Variants in DGKI observed in about 807,000 individuals in gnomAD.
DGKI encodes diacylglycerol kinase iota.
Under a neutral mutation model 147.5 loss-of-function variants are expected in DGKI, and 55 were observed. The observed-to-expected ratio is 0.37, with a 90% CI of 0.30 to 0.47. The LOEUF (loss-of-function observed/expected upper bound fraction) is 0.47, where lower values mean the gene tolerates loss of function less well. DGKI is among the 20% of genes least tolerant of loss of function. DGKI has a pLI of 1.00. For synonymous variants in DGKI, 469 were observed against 477.1 expected (o/e 0.98, Z 0.22); for missense variants, 1,007 against 1,323.8 (o/e 0.76, Z 3.71).
chr7:137,528,344 C>T (rs1817224433), intron 20 of DGKI, among the ~76,000 whole-genome samples: 1 of 152,102 alleles, frequency 6.6e-6, no homozygotes, highest in Admixed American at 6.5e-5. Context: ...GTAAGTAAAC[C>T]TTTTCTGAAC....
intron 1 of DGKI, among the ~76,000 whole-genome samples, chr7:137,800,159 G>A (rs889975210): frequency 6.6e-6 from 1 of 152,132 alleles, no homozygotes; most frequent in Non-Finnish European, 1.5e-5. Context: ...AGTTGAGATT[G>A]TTGCTCAACA....
chr7:137,516,553 T>C (rs1197039721), intron 21 of DGKI, among the ~76,000 whole-genome samples: 1 of 151,704 alleles, frequency 6.6e-6, no homozygotes, highest in Non-Finnish European at 1.5e-5. Context: ...TCACATTTTT[T>C]AAAAAAAGAA....
intron 1 of DGKI, among the ~76,000 whole-genome samples, chr7:137,779,411 C>G (rs1796452302): frequency 6.6e-6 from 1 of 152,090 alleles, no homozygotes; most frequent in Non-Finnish European, 1.5e-5. Flanking sequence ...AGAAGAAGAT[C>G]TTCATGACTT....
chr7:137,520,640 G>C lies in DGKI; in HGVS notation c.2248+1226C>G, dbSNP rs151137779. On this transcript the variant is annotated intron_variant, in intron 21 of 32. Coordinates refer to ENST00000614521, the MANE Select transcript of DGKI (RefSeq NM_001321708.2). ...TGATGTCTAAGGAAAACAACATAAA[G>C]GGTTTAGGAAGCTGAAGCAGCTGAG... is the stretch of plus-strand genomic sequence containing the variant. Among the ~76,000 whole-genome samples, 358 of 152,098 alleles carry C rather than the reference G, an allele frequency of 2.4e-3. 3 individuals carry two copies. The highest frequency in any genetic ancestry group is 8.2e-3 in the African/African-American group (339 of 41,526).
chr7:137,518,432 C>T (rs983345612), intron 21 of DGKI, among the ~76,000 whole-genome samples: 20 of 152,162 alleles, frequency 1.3e-4, no homozygotes, highest in African/African-American at 4.6e-4. Flanking sequence ...ACTAACGATA[C>T]TAGGATTTTA....
intron 27 of DGKI, among the ~76,000 whole-genome samples, chr7:137,456,038 G>A (rs1814193436): frequency 1.3e-5 from 2 of 152,052 alleles, no homozygotes; most frequent in African/African-American, 4.8e-5. Context: ...ATGCAGCCGG[G>A]GACCAACAGT....
intron 1 of DGKI, among the ~76,000 whole-genome samples, chr7:137,723,084 T>C (rs925425815): frequency 6.6e-6 from 1 of 152,154 alleles, no homozygotes; most frequent in Non-Finnish European, 1.5e-5. Context: ...TTAGAGTTCA[T>C]AAAGCAGTAG....
At chr7:137,737,276 A>G (rs763026062) in intron 1 of DGKI, among the ~76,000 whole-genome samples, 5 of 151,952 alleles carry the variant, frequency 3.3e-5, no homozygotes, top group Admixed American at 6.6e-5. Context: ...TTGTATTAGA[A>G]AAGATTCTTG....
intron 20 of DGKI, among the ~76,000 whole-genome samples, chr7:137,547,002 C>T (rs1402144539): frequency 6.6e-6 from 1 of 152,168 alleles, no homozygotes; most frequent in East Asian, 1.9e-4. Context: ...ATAATGTAGC[C>T]TTAATTACTA....
At chr7:137,757,866 T>G (rs945539727) in intron 1 of DGKI, among the ~76,000 whole-genome samples, 3 of 152,238 alleles carry the variant, frequency 2.0e-5, no homozygotes, top group African/African-American at 7.2e-5. Context: ...CAGAAGTAGA[T>G]ATTTCTCTAA....
intron 12 of DGKI, among the ~76,000 whole-genome samples, chr7:137,588,727 C>T (rs552064170): frequency 3.2e-4 from 49 of 152,238 alleles, no homozygotes; most frequent in Middle Eastern, 3.4e-3. Flanking sequence ...CTGCCCACCT[C>T]GGCCTCCCAA....
chr7:137,565,618 C>G lies in DGKI; in HGVS notation c.1947+5557G>C, dbSNP rs945223564. ...TCTTTAAAGTTTACGAGACTGAAAT[C>G]TTTGGATTTCATACTGAATGGCAAA... is the stretch of plus-strand genomic sequence containing the variant. On this transcript the variant is annotated intron_variant, in intron 19 of 32. Coordinates refer to ENST00000614521, the MANE Select transcript of DGKI (RefSeq NM_001321708.2). Among the ~76,000 whole-genome samples the G allele has an allele frequency of 5.3e-5, 8 of 152,270 alleles. No individual in the cohort carries two copies. In the East Asian group the frequency reaches 1.2e-3, roughly 22 times the overall value.
chr7:137,586,538 G>A (rs944192268), intron 13 of DGKI, among the ~76,000 whole-genome samples: 2 of 152,026 alleles, frequency 1.3e-5, no homozygotes, highest in Non-Finnish European at 1.5e-5. Context: ...TATAACATAC[G>A]TAAGTAAATA....
At chr7:137,494,997 C>G (rs1815909187) in intron 21 of DGKI, among the ~76,000 whole-genome samples, 1 of 151,850 alleles carries the variant, frequency 6.6e-6, no homozygotes, top group Non-Finnish European at 1.5e-5. Flanking sequence ...GGGGTTGCTA[C>G]CATAATTTCA....
At chr7:137,510,859 T>C (rs1397251004) in intron 21 of DGKI, among the ~76,000 whole-genome samples, 1 of 152,192 alleles carries the variant, frequency 6.6e-6, no homozygotes, top group Non-Finnish European at 1.5e-5. Flanking sequence ...AAACAAATTA[T>C]ACATGGACAG....
intron 1 of DGKI, among the ~76,000 whole-genome samples, chr7:137,802,081 T>C (rs1314653447): frequency 6.6e-6 from 1 of 152,148 alleles, no homozygotes; most frequent in East Asian, 1.9e-4. Context: ...AATGAAACAA[T>C]GGCATTTGCA....
At chr7:137,838,651 A>T (rs1040032073) in intron 1 of DGKI, among the ~76,000 whole-genome samples, 2 of 152,240 alleles carry the variant, frequency 1.3e-5, no homozygotes, top group Non-Finnish European at 1.5e-5. Context: ...ACACAAAAGC[A>T]GTCCAACTGT....
chr7:137,636,757 A>G (rs1821326381), intron 6 of DGKI, among the ~76,000 whole-genome samples: 1 of 152,194 alleles, frequency 6.6e-6, no homozygotes, highest in East Asian at 1.9e-4. Context: ...CAGATCCCCT[A>G]TGAGTGGCTT....
intron 8 of DGKI, among the ~76,000 whole-genome samples, chr7:137,618,264 G>C (rs1434999446): frequency 7.0e-6 from 1 of 143,248 alleles, no homozygotes. Flanking sequence ...TCAGGCCTGA[G>C]CAATTGTATG....
Sources: allele counts gnomAD v4.1 joint callset (sites outside exome capture counted in the v4.1 genomes callset), GRCh38; gene constraint gnomAD v4.1.1; transcripts MANE v1.5; gene names NCBI Gene and HGNC (gene_info 2026-07-23, HGNC 2026-07-21).